Variants in HTATIP2 observed in about 807,000 individuals in gnomAD.
HTATIP2 encodes HIV-1 Tat interactive protein 2, also known as protein HTATIP2.
In HTATIP2, 26 loss-of-function variants were observed where a neutral mutation model predicts 24.7. The ratio of observed to expected loss-of-function variants is 1.05; its 90% CI spans 0.77 to 1.46. HTATIP2 has a LOEUF of 1.46. Ranked by LOEUF, HTATIP2 falls within the 40% of genes most tolerant of loss-of-function variation. The probability of loss-of-function intolerance (pLI) is 0.00; values close to 1 mark genes in which losing one functional copy is unlikely to be tolerated. For missense variants in HTATIP2, 284 were observed against 289.6 expected (o/e 0.98, Z 0.14); for synonymous variants, 99 against 113.2 (o/e 0.87, Z 0.79).
At position 20,364,385 on chromosome 11, in the gene HTATIP2, A is replaced by T. The variant is rs200473579; in HGVS notation, c.148A>T (p.Ile50Phe). 1 of 1,611,754 alleles carries T rather than the reference A, an allele frequency of 6.2e-7. No homozygotes were observed. The highest frequency in any genetic ancestry group is 2.2e-5 in the East Asian group (1 of 44,790). The change falls in exon 1 of 5, where the codon ATT becomes TTT. Residue 50 changes from isoleucine (I) to phenylalanine (F), a missense_variant. By Grantham distance (21) the Ile-to-Phe change is conservative. Transcript: ENST00000451739. ...GGGCCTGTTTTCCAAAGTCACGCTCATTGGCCGGAGGAAGCTCACCTTCGA... is the reference window on the plus strand; with the variant it reads ...GGGCCTGTTTTCCAAAGTCACGCTCTTTGGCCGGAGGAAGCTCACCTTCGA... The part of the protein sequence containing the change: ...EQGLFSKVTL[I>F]GRRKLTFDEE...
rs1197486093 is a variant in HTATIP2, at chr11:20,383,209, CAT to C, written c.*5_*6del. ...GCATGGCTCTCTCAAGCCATGACCA[CAT>C]TGGAGAAATGGTTTTTATTGTCAAC... On this transcript the variant is annotated 3_prime_UTR_variant, in exon 5 of 5. Coordinates refer to ENST00000451739, the MANE Select transcript of HTATIP2 (RefSeq NM_001098522.2). 3 of 1,608,248 alleles carry C rather than the reference CAT, an allele frequency of 1.9e-6. No individual in the cohort carries two copies. The highest frequency in any genetic ancestry group is 2.6e-6 in the Non-Finnish European group (3 of 1,175,424).
rs926014432 is a variant in HTATIP2 at position 20,372,175 on chromosome 11, C to T, written c.304-4405C>T. On this transcript the variant is annotated intron_variant, in intron 2 of 4. Coordinates refer to ENST00000451739, the MANE Select transcript of HTATIP2 (RefSeq NM_001098522.2). ...TGTTGCCAAGGCTAGACTCAAATTCCTGGGATCAAGCGATCTTCCTGCTTC... is the reference window on the plus strand; with the variant it reads ...TGTTGCCAAGGCTAGACTCAAATTCTTGGGATCAAGCGATCTTCCTGCTTC... 2.6e-5 allele frequency among the ~76,000 whole-genome samples: 4 copies of T among 152,222 alleles called. 1 individual carries two copies. The highest frequency in any genetic ancestry group is 2.6e-4 in the Admixed American group (4 of 15,286).
Position 20,367,258 on chromosome 11 carries a change from A to G in HTATIP2, c.280A>G (p.Thr94Ala), listed in dbSNP as rs1459915418. 1.2e-6 allele frequency: 2 copies of G among 1,614,098 alleles called. No homozygotes were observed. The highest frequency in any genetic ancestry group is 2.2e-5 in the South Asian group (2 of 91,020). Residue 94 changes from threonine (T) to alanine (A), a missense_variant, in exon 2 of 5, where the codon ACC (threonine) becomes GCC (alanine). Physicochemically the swap from Thr to Ala is moderately conservative, Grantham distance 58. Coordinates refer to ENST00000451739, the MANE Select transcript of HTATIP2 (RefSeq NM_001098522.2). ...GHDVGFCCLG[T>A]TRGKAGAEGF... is the part of the protein sequence containing the mutation. Reference sequence around the variant, plus strand: ...TGATGTTGGATTCTGTTGCCTGGGTACCACCAGAGGGAAAGCTGGGGCGGT... The same window carrying G: ...TGATGTTGGATTCTGTTGCCTGGGTGCCACCAGAGGGAAAGCTGGGGCGGT...
At chr11:20,374,477 G>A (rs904346488) in intron 2 of HTATIP2, among the ~76,000 whole-genome samples, 6 of 152,156 alleles carry the variant, frequency 3.9e-5, no homozygotes, top group African/African-American at 9.7e-5. Flanking sequence ...ATTTCCATAC[G>A]TTTTTCAGCT....
intron 2 of HTATIP2, among the ~76,000 whole-genome samples, chr11:20,374,814 A>C (rs182735473): frequency 7.2e-5 from 11 of 152,368 alleles, no homozygotes; most frequent in Non-Finnish European, 1.5e-4. Flanking sequence ...AAAATGACAC[A>C]GTTGACTGGT....
chr11:20,379,335 A>G (rs921386548), intron 3 of HTATIP2, among the ~76,000 whole-genome samples: 3 of 152,206 alleles, frequency 2.0e-5, no homozygotes, highest in East Asian at 1.9e-4. Context: ...AAGGACAGAA[A>G]TGACAACCAA....
chr11:20,382,615 A>G (rs1167815577), intron 4 of HTATIP2, among the ~76,000 whole-genome samples: 1 of 152,184 alleles, frequency 6.6e-6, no homozygotes, highest in Non-Finnish European at 1.5e-5. Flanking sequence ...TCCAAGATCA[A>G]GGTGCCCTCA....
intron 2 of HTATIP2, among the ~76,000 whole-genome samples, chr11:20,374,610 C>G (rs1393932776): frequency 6.6e-6 from 1 of 152,200 alleles, no homozygotes; most frequent in Non-Finnish European, 1.5e-5. Context: ...CGTTCTTTTA[C>G]TTTTAAGGGC....
chr11:20,366,061 T>C (rs1455511385), intron 1 of HTATIP2, among the ~76,000 whole-genome samples: 1 of 151,042 alleles, frequency 6.6e-6, no homozygotes, highest in African/African-American at 2.4e-5. Flanking sequence ...CTAGGTACTT[T>C]GTGAAACCCT....
At position 20,367,058 on chromosome 11, in the gene HTATIP2, T is replaced by C. The variant is rs2064716817; in HGVS notation, c.196-116T>C. 5.0e-6 allele frequency: 6 copies of C among 1,203,168 alleles called. No homozygotes were observed. In the African/African-American group the frequency reaches 6.1e-5, roughly 12 times the overall value. The allele number at this position is 1,203,168 out of a possible 1,614,324, so 74.5% of individuals were successfully genotyped here. A position where few individuals can be genotyped will look rare whatever the true frequency, so the allele number is the denominator to read the frequency against. ...GAGAAAAGGAATTTGTAAAATTTGA[T>C]GTTAAGTGGACAGGCCTGTCAGTAA... is the stretch of plus-strand genomic sequence containing the variant. On this transcript the variant is annotated intron_variant, in intron 1 of 4. Coordinates refer to ENST00000451739, the MANE Select transcript of HTATIP2 (RefSeq NM_001098522.2).
rs770109043 is a variant in HTATIP2, at chr11:20,367,333, ATTCTT to A, written c.303+58_303+62del. 39 of 1,612,496 alleles carry A rather than the reference ATTCTT, an allele frequency of 2.4e-5. No homozygotes were observed. The East Asian group carries it at 3.1e-4, about 13-fold the overall frequency. On this transcript the variant is annotated intron_variant, in intron 2 of 4. Transcript: ENST00000451739. ...TTTTTGCTGGCCAGTAATATCAAGG[ATTCTT>A]TTCTTGCTCACTCTTTTTCTTTGTG...
rs1383688291 is a variant in HTATIP2, at chr11:20,376,647, G to A, written c.371G>A (p.Cys124Tyr). Residue 124 changes from cysteine (C) to tyrosine (Y), a missense_variant, in exon 3 of 5, where the codon TGC becomes TAC. Coordinates refer to ENST00000451739, the MANE Select transcript of HTATIP2 (RefSeq NM_001098522.2). ...GCAGAGCTGGCAAAAGCTGGAGGGT[G>A]CAAACATTTCAACTTGCTATCCTCT... ...KSAELAKAGG[C>Y]KHFNLLSSKG... The A allele has an allele frequency of 3.1e-6, 5 of 1,613,618 alleles. 1 individual carries two copies. In the East Asian group the frequency reaches 6.7e-5, roughly 22 times the overall value.
chr11:20,367,847 C>A (rs943126842), intron 2 of HTATIP2, among the ~76,000 whole-genome samples: 1 of 152,164 alleles, frequency 6.6e-6, no homozygotes, highest in Non-Finnish European at 1.5e-5. Flanking sequence ...ATTTTATTTT[C>A]TTTTTAATGG....
chr11:20,377,683 C>T (rs182766359), intron 3 of HTATIP2, among the ~76,000 whole-genome samples: 77 of 152,346 alleles, frequency 5.1e-4, no homozygotes, highest in Middle Eastern at 6.8e-3. Flanking sequence ...TCCAGCACTA[C>T]AGAGATTACT....
chr11:20,368,972 G>C (rs1255893526), intron 2 of HTATIP2, among the ~76,000 whole-genome samples: 1 of 152,156 alleles, frequency 6.6e-6, no homozygotes, highest in Non-Finnish European at 1.5e-5. Context: ...TATTCACCTA[G>C]CTTAGAAATG....
chr11:20,370,149 C>T (rs1327577254), intron 2 of HTATIP2, among the ~76,000 whole-genome samples: 1 of 152,184 alleles, frequency 6.6e-6, no homozygotes, highest in Non-Finnish European at 1.5e-5. Flanking sequence ...AACCTACTTT[C>T]AAGAGGCATT....
chr11:20,373,837 A>G (rs530481497), intron 2 of HTATIP2, among the ~76,000 whole-genome samples: 1 of 152,338 alleles, frequency 6.6e-6, no homozygotes, highest in African/African-American at 2.4e-5. Flanking sequence ...TCTGAGGGTA[A>G]TCACTTCTCT....
intron 3 of HTATIP2, among the ~76,000 whole-genome samples, chr11:20,380,739 G>A (rs959113453): frequency 6.7e-6 from 1 of 150,024 alleles, no homozygotes; most frequent in South Asian, 2.1e-4. Context: ...ACTGTTCATA[G>A]CAGCATTATT....
In HTATIP2 at chr11:20,374,402, C is replaced by T. The variant is rs79416315; in HGVS notation, c.304-2178C>T. Among the ~76,000 whole-genome samples, 3,136 of 152,286 alleles carry T rather than the reference C, an allele frequency of 0.021. 258 individuals are homozygous for T. In the East Asian group the frequency reaches 0.28, roughly 14 times the overall value. On this transcript the variant is annotated intron_variant, in intron 2 of 4. Coordinates refer to ENST00000451739, the MANE Select transcript of HTATIP2 (RefSeq NM_001098522.2). ...ATCTTAGAAGTCTGACACGGGTTTACCTGAGATAAAATCAAGGTGTTGACA... is the reference window on the plus strand; with the variant it reads ...ATCTTAGAAGTCTGACACGGGTTTATCTGAGATAAAATCAAGGTGTTGACA...
Sources: gnomAD v4.1 joint callset for allele counts (sites outside exome capture counted in the v4.1 genomes callset) on GRCh38, gnomAD v4.1.1 for gene constraint, MANE v1.5 for transcripts, NCBI Gene and HGNC (gene_info 2026-07-23, HGNC 2026-07-21) for gene names.